The following SQSTM1 variants were observed in gnomAD, a reference collection of about 807,000 sequenced individuals.
The protein encoded by SQSTM1 is sequestosome-1.
In SQSTM1, 36 loss-of-function variants were observed where a neutral mutation model predicts 45.1. The ratio of observed to expected loss-of-function variants is 0.80; its 90% CI spans 0.61 to 1.05. SQSTM1 has a LOEUF of 1.05. SQSTM1 is among the 50% of genes least tolerant of loss of function. SQSTM1 has a pLI of 0.00. For missense variants in SQSTM1, 617 were observed against 607.1 expected, an observed-to-expected ratio of 1.02 and a Z score of -0.17; for synonymous variants, 290 against 244.3, an observed-to-expected ratio of 1.19 and a Z score of -1.74.
At chr5:179,819,332 C>A (rs1404931367), upstream of SQSTM1, among the ~76,000 whole-genome samples, 3 of 151,858 alleles carry the variant, frequency 2.0e-5, no homozygotes, top group African/African-American at 2.4e-5. Flanking sequence ...CCCCGCCCCC[C>A]CCCCAGTCTC....
rs752438818 is a variant in SQSTM1, at chr5:179,823,027, A to T, written c.275A>T (p.Asp92Val). The part of the protein sequence containing the change: ...ELTMAMSYVK[D>V]DIFRIYIKEK... ...ACAATGGCCATGTCCTACGTGAAGG[A>T]TGACATCTTCCGAATCTACATTAAA... Residue 92 changes from aspartate to valine, a missense_variant, in exon 2 of 8, where the codon GAT (aspartate) becomes GTT (valine). Asp to Val is a radical substitution (Grantham distance 152). Coordinates refer to ENST00000389805, the MANE Select transcript of SQSTM1 (RefSeq NM_003900.5). 2 of 1,614,098 alleles carry T rather than the reference A, an allele frequency of 1.2e-6. No homozygotes were observed. The highest frequency in any genetic ancestry group is 1.1e-5 in the South Asian group (1 of 91,084).
At chr5:179,835,744 A>ATAAG (rs1758518755) in intron 7 of SQSTM1, 1 of 160,790 alleles carries the variant, frequency 6.2e-6, no homozygotes, top group African/African-American at 2.4e-5. Context: ...GCATCTACTC[A>ATAAG]TAAGTGAGAA....
At chr5:179,817,646 T>G (rs1757624629), upstream of SQSTM1, among the ~76,000 whole-genome samples, 1 of 152,124 alleles carries the variant, frequency 6.6e-6, no homozygotes, top group African/African-American at 2.4e-5. Context: ...GCAAACCCCT[T>G]GTGGGCGTGC....
At chr5:179,820,608 G>A (rs1387234475), upstream of SQSTM1, 3 of 275,402 alleles carry the variant, frequency 1.1e-5, no homozygotes, top group Non-Finnish European at 2.0e-5. Context: ...ACCCCCGCCA[G>A]TACCCTGATC....
chr5:179,832,068 C>T (rs1465253513), intron 5 of SQSTM1, among the ~76,000 whole-genome samples: 1 of 152,204 alleles, frequency 6.6e-6, no homozygotes, highest in Non-Finnish European at 1.5e-5. Context: ...CAGGCGTGAG[C>T]CACTGCGCTC....
rs1480849753 is a variant in SQSTM1, at chr5:179,809,317, CCTGG to C, written c.-156-2254_-156-2251del. On this transcript the variant is annotated intron_variant, in intron 1 of 5. Transcript: ENST00000514093. ...GGGATTATAGGCGCCCGCCACCACG[CCTGG>C]CTAATTTTTTTTTTTTTTTTTTTTT... Among the ~76,000 whole-genome samples the C allele has an allele frequency of 7.9e-5, 11 of 138,676 alleles. No homozygotes were observed. In the East Asian group the frequency reaches 2.3e-3, roughly 29 times the overall value. The allele number at this position is 138,676 out of a possible 152,430, so 91.0% of individuals were successfully genotyped here.
intron 1 of SQSTM1, among the ~76,000 whole-genome samples, chr5:179,808,779 C>T (rs1468223169): frequency 6.6e-6 from 1 of 152,070 alleles, no homozygotes; most frequent in Non-Finnish European, 1.5e-5. Context: ...ATAGTGACAC[C>T]TCATCTCATT....
At chr5:179,816,317 T>G (rs1011993769), upstream of SQSTM1, among the ~76,000 whole-genome samples, 3 of 152,138 alleles carry the variant, frequency 2.0e-5, no homozygotes, top group Admixed American at 2.0e-4. Context: ...CCCAACTAAT[T>G]TTTTTAATTT....
chr5:179,823,854 GT>G lies in SQSTM1; in HGVS notation c.302-3del. The G allele has an allele frequency of 6.2e-7, 1 of 1,611,062 alleles. No homozygotes were observed. The highest frequency in any genetic ancestry group is 8.5e-7 in the Non-Finnish European group (1 of 1,179,894). The stretch of plus-strand genomic sequence containing the variant: ...CCTAGCGGCTCTCTTTACCCTTCCT[GT>G]AGAGAAAAAAGAGTGCCGGCGGGAC... On this transcript the variant is annotated splice_polypyrimidine_tract_variant and splice_region_variant and intron_variant, in intron 2 of 7. Coordinates refer to ENST00000389805, the MANE Select transcript of SQSTM1 (RefSeq NM_003900.5).
chr5:179,836,600 T>C lies in SQSTM1; in HGVS notation c.*7T>C, dbSNP rs778783549. 3 of 1,614,164 alleles carry C rather than the reference T, an allele frequency of 1.9e-6. No individual in the cohort carries two copies. Among genetic ancestry groups the C allele is most frequent in the Admixed American group, 3.3e-5 (2 of 60,020 alleles). ...GCATCCCCCGCCGTTGTGACCACTT[T>C]TGCCCACCTCTTCTGCGTGCCCCTC... On this transcript the variant is annotated 3_prime_UTR_variant, in exon 8 of 8. Transcript: ENST00000389805.
intron 7 of SQSTM1, chr5:179,835,651 G>A (rs1758510851): frequency 6.5e-6 from 1 of 154,334 alleles, no homozygotes; most frequent in Non-Finnish European, 1.4e-5. Context: ...GTCCAGCTTT[G>A]GCTCGGCATC....
chr5:179,825,066 C>G (rs1351084980), intron 4 of SQSTM1, 80 bp from the exon 5 acceptor site: 7 of 1,462,952 alleles, frequency 4.8e-6, no homozygotes, highest in Non-Finnish European at 5.7e-6. Flanking sequence ...ACACAGGGAC[C>G]TTGGCAAGAA....
At chr5:179,822,316 C>T (rs373368045) in intron 1 of SQSTM1, among the ~76,000 whole-genome samples, 2 of 152,054 alleles carry the variant, frequency 1.3e-5, no homozygotes, top group East Asian at 3.8e-4. Context: ...GTTTTGTTTA[C>T]CTGTTCATTA....
rs886060507 is a variant in SQSTM1, at chr5:179,837,321, T to TA, written c.*732dup. ...GTTAATGGTTCTTACAGAGTATCTT[T>TA]AAAAGTGCCTTAGGGGAACCCTGTC... is the stretch of plus-strand genomic sequence containing the variant. On this transcript the variant is annotated 3_prime_UTR_variant, in exon 8 of 8. Coordinates refer to ENST00000389805, the MANE Select transcript of SQSTM1 (RefSeq NM_003900.5). The TA allele has an allele frequency of 1.1e-5, 18 of 1,592,958 alleles. No homozygotes were observed. Among genetic ancestry groups the TA allele is most frequent in the Non-Finnish European group, 1.5e-5 (17 of 1,169,504 alleles).
chr5:179,821,616 G>A, intron 1 of SQSTM1: 1 of 438,274 alleles, frequency 2.3e-6, no homozygotes, highest in Non-Finnish European at 4.6e-6. Flanking sequence ...GAGTGACGCG[G>A]GTAAACAAGC....
At chr5:179,820,062 AGGTTACTCT>A (rs1363122416), upstream of SQSTM1, 1 of 152,698 alleles carries the variant, frequency 6.5e-6, no homozygotes, top group Non-Finnish European at 1.5e-5. Flanking sequence ...TCTGGCGGAC[AGGTTACTCT>A]GGTGGCATAA....
At chr5:179,832,755 A>G (rs1158078483) in intron 5 of SQSTM1, among the ~76,000 whole-genome samples, 1 of 152,138 alleles carries the variant, frequency 6.6e-6, no homozygotes, top group African/African-American at 2.4e-5. Context: ...ATGTTTCCAG[A>G]AGCCACAGAG....
At chr5:179,815,392 G>A (rs912291451), upstream of SQSTM1, among the ~76,000 whole-genome samples, 1 of 151,998 alleles carries the variant, frequency 6.6e-6, no homozygotes, top group Admixed American at 6.6e-5. Context: ...ACCCCAGCCT[G>A]GGCAACAGAG....
intron 7 of SQSTM1, chr5:179,836,155 G>C: frequency 3.6e-6 from 2 of 557,620 alleles, no homozygotes; most frequent in South Asian, 4.2e-5. Flanking sequence ...AAAATCAAAA[G>C]ATGTGACAGG....
Sources: allele counts gnomAD v4.1 joint callset (sites outside exome capture counted in the v4.1 genomes callset), GRCh38; gene constraint gnomAD v4.1.1; transcripts MANE v1.5; gene names NCBI Gene and HGNC (gene_info 2026-07-23, HGNC 2026-07-21).